Variants in COL5A2 observed in about 807,000 individuals in gnomAD.
COL5A2 encodes collagen type V alpha 2 chain, also known as collagen alpha-2(V) chain.
In COL5A2, 23 loss-of-function variants were observed where a neutral mutation model predicts 208.2. That is an observed-to-expected ratio of 0.11 (90% CI 0.08 to 0.16). The LOEUF (loss-of-function observed/expected upper bound fraction) is 0.16, where lower values mean the gene tolerates loss of function less well. COL5A2 is among the 10% of genes least tolerant of loss of function. The probability of loss-of-function intolerance (pLI) is 1.00; values close to 1 mark genes in which losing one functional copy is unlikely to be tolerated. For missense variants in COL5A2, 1,590 were observed against 1,956.4 expected (o/e 0.81, Z 3.53); for synonymous variants, 625 against 628.5 (o/e 0.99, Z 0.08).
the COL5A2 span, among the ~76,000 whole-genome samples, chr2:189,378,020 TG>T: frequency 3.3e-5 from 5 of 152,278 alleles, no homozygotes; most frequent in Non-Finnish European, 5.9e-5. Flanking sequence ...AACTTAAACT[TG>T]GAGAGCAACG....
At chr2:189,303,565 A>C in the COL5A2 span, among the ~76,000 whole-genome samples, 2 of 152,180 alleles carry the variant, frequency 1.3e-5, no homozygotes, top group Non-Finnish European at 2.9e-5. Context: ...TGGCCTGAGA[A>C]GGACTCTGTA....
intron 1 of COL5A2, among the ~76,000 whole-genome samples, chr2:189,127,272 C>T (rs2105746767): frequency 6.6e-6 from 1 of 152,138 alleles, no homozygotes; most frequent in East Asian, 1.9e-4. Flanking sequence ...GTGTCTGGAC[C>T]ACAGATTTCT....
At chr2:189,240,590 G>A in the COL5A2 span, among the ~76,000 whole-genome samples, 1 of 152,158 alleles carries the variant, frequency 6.6e-6, no homozygotes, top group Non-Finnish European at 1.5e-5. Flanking sequence ...GTCCAGGGAT[G>A]ATGCTGTCAG....
intron 1 of COL5A2, among the ~76,000 whole-genome samples, chr2:189,121,359 A>T (rs1687496124): frequency 2.0e-5 from 3 of 152,070 alleles, no homozygotes; most frequent in African/African-American, 7.2e-5. Context: ...ACTGGCCAGG[A>T]TGGATCTGAA....
chr2:189,425,016 C>A, the COL5A2 span, among the ~76,000 whole-genome samples: 2 of 152,156 alleles, frequency 1.3e-5, no homozygotes, highest in African/African-American at 4.8e-5. Context: ...TTGCAGCCAA[C>A]TTATTTTTGA....
chr2:189,364,201 G>A, the COL5A2 span, among the ~76,000 whole-genome samples: 10 of 152,152 alleles, frequency 6.6e-5, no homozygotes, highest in Non-Finnish European at 1.3e-4. Context: ...GAATGTCCAG[G>A]TTTCTTGGAC....
the COL5A2 span, among the ~76,000 whole-genome samples, chr2:189,367,059 C>T: frequency 6.6e-6 from 1 of 152,200 alleles, no homozygotes; most frequent in Non-Finnish European, 1.5e-5. Context: ...CTGTGGCAAC[C>T]ACATACTCAG....
chr2:189,245,710 G>C, the COL5A2 span, among the ~76,000 whole-genome samples: 1 of 151,940 alleles, frequency 6.6e-6, no homozygotes, highest in East Asian at 1.9e-4. Context: ...TCCTGACCTC[G>C]TGATCCGCCC....
chr2:189,052,795 T>G lies in COL5A2; in HGVS notation c.2669A>C (p.Asn890Thr), dbSNP rs1327313009. The G allele has an allele frequency of 1.2e-6, 2 of 1,614,010 alleles. No homozygotes were observed. Among genetic ancestry groups the G allele is most frequent in the Non-Finnish European group, 1.7e-6 (2 of 1,180,012 alleles). ...ACCACCTTTTAGTCCAGGAACACCA[T>G]TAGGACCCTGAATAGAAACAAACAA... ...LAGSPGPHGP[N>T]GVPGLKGGRG... The change falls in exon 40 of 54, where the codon AAT (asparagine) becomes ACT (threonine). Residue 890 changes from asparagine (N) to threonine (T), a missense_variant. Transcript: ENST00000374866.
chr2:189,038,123 C>T lies in COL5A2; in HGVS notation c.3925+1149G>A, dbSNP rs374957695. Among the ~76,000 whole-genome samples the T allele has an allele frequency of 4.0e-5, 6 of 150,252 alleles. No homozygotes were observed. The South Asian group carries it at 1.3e-3, about 32-fold the overall frequency. On this transcript the variant is annotated intron_variant, in intron 51 of 53. Coordinates refer to ENST00000374866, the MANE Select transcript of COL5A2 (RefSeq NM_000393.5). ...TGATGCTGAGGTTTGGGGTACAGATCCTGTCACCCAGGTAGTGAGCATAGT... is the reference window on the plus strand; with the variant it reads ...TGATGCTGAGGTTTGGGGTACAGATTCTGTCACCCAGGTAGTGAGCATAGT...
chr2:189,374,028 C>T, the COL5A2 span, among the ~76,000 whole-genome samples: 1 of 152,046 alleles, frequency 6.6e-6, no homozygotes, highest in East Asian at 1.9e-4. Context: ...GAAATTGAGT[C>T]CATTTTTGAA....
the COL5A2 span, among the ~76,000 whole-genome samples, chr2:189,249,753 G>T: frequency 6.6e-6 from 1 of 152,230 alleles, no homozygotes; most frequent in Non-Finnish European, 1.5e-5. Flanking sequence ...CTGGAGTGCA[G>T]TGGTGTGATC....
At chr2:189,346,104 C>A in the COL5A2 span, among the ~76,000 whole-genome samples, 1 of 152,142 alleles carries the variant, frequency 6.6e-6, no homozygotes, top group African/African-American at 2.4e-5. Context: ...ATGCTCATTT[C>A]TTGCCAAATG....
intron 1 of COL5A2, among the ~76,000 whole-genome samples, chr2:189,121,211 T>C (rs36006995): frequency 6.6e-6 from 1 of 152,114 alleles, no homozygotes; most frequent in African/African-American, 2.4e-5. Flanking sequence ...TAATTTATTG[T>C]TTTGGGGGTT....
intron 1 of COL5A2, among the ~76,000 whole-genome samples, chr2:189,117,813 C>A (rs952135287): frequency 1.3e-5 from 2 of 151,842 alleles, no homozygotes; most frequent in East Asian, 1.9e-4. Context: ...TTGTTTGTCA[C>A]CCCATGATAG....
the COL5A2 span, among the ~76,000 whole-genome samples, chr2:189,323,409 C>T: frequency 7.9e-5 from 12 of 152,164 alleles, 1 homozygote; most frequent in Admixed American, 5.2e-4. Flanking sequence ...CATGATTGTA[C>T]ATCTAGAAAA....
At chr2:189,096,400 G>A (rs561801880) in intron 6 of COL5A2, among the ~76,000 whole-genome samples, 1 of 152,024 alleles carries the variant, frequency 6.6e-6, no homozygotes, top group South Asian at 2.1e-4. Flanking sequence ...AAACGTTGTA[G>A]GGAGGCCGAG....
In COL5A2 at chr2:189,179,546, T is replaced by C. The variant is rs1688744154; in HGVS notation, c.59A>G (p.Gln20Arg). The C allele has an allele frequency of 6.2e-7, 1 of 1,611,598 alleles. No individual in the cohort carries two copies. The highest frequency in any genetic ancestry group is 8.5e-7 in the Non-Finnish European group (1 of 1,178,768). ...PLLILIVLLG[Q>R]FVSIKAQEED... Reference sequence around the variant, plus strand: ...TTCCTGGGCTTTTATTGAGACAAATTGCCCTAATAAAACAATAAGAATGAG... The same window carrying C: ...TTCCTGGGCTTTTATTGAGACAAATCGCCCTAATAAAACAATAAGAATGAG... The change falls in exon 1 of 54, where the codon CAA becomes CGA. Residue 20 changes from glutamine (Q) to arginine (R), a missense_variant. Coordinates refer to ENST00000374866, the MANE Select transcript of COL5A2 (RefSeq NM_000393.5).
intron 17 of COL5A2, among the ~76,000 whole-genome samples, chr2:189,074,962 T>A (rs1007764233): frequency 6.6e-6 from 1 of 152,140 alleles, no homozygotes; most frequent in Non-Finnish European, 1.5e-5. Flanking sequence ...TTAACTACTA[T>A]AGAAAAGAGC....
Sources: allele counts gnomAD v4.1 joint callset (sites outside exome capture counted in the v4.1 genomes callset), GRCh38; gene constraint gnomAD v4.1.1; transcripts MANE v1.5; gene names NCBI Gene and HGNC (gene_info 2026-07-23, HGNC 2026-07-21).